The following CDK2AP1 variants were observed in gnomAD, a reference collection of about 807,000 sequenced individuals.
CDK2AP1 encodes the protein cyclin-dependent kinase 2-associated protein 1.
Under a neutral mutation model 14.1 loss-of-function variants are expected in CDK2AP1, and 10 were observed. The ratio of observed to expected loss-of-function variants is 0.71; its 90% confidence interval spans 0.44 to 1.20. The LOEUF (loss-of-function observed/expected upper bound fraction) is 1.20. CDK2AP1 is among the 50% of genes most tolerant of loss of function. The pLI, the probability that CDK2AP1 is intolerant of heterozygous loss-of-function variation, is 0.00. For synonymous variants in CDK2AP1, 59 were observed against 59.8 expected (o/e 0.99, Z 0.06); for missense variants, 102 against 149.9 (o/e 0.68, Z 1.67).
At position 123,261,671 on chromosome 12, in the gene CDK2AP1, G is replaced by T; in HGVS notation, c.*65C>A. ...TGAAAACAAGGGTTTCATCTGAACAGGGGAGATGAACTGTAACTTCTCATC... is the reference window on the plus strand; with the variant it reads ...TGAAAACAAGGGTTTCATCTGAACATGGGAGATGAACTGTAACTTCTCATC... On this transcript the variant is annotated 3_prime_UTR_variant, in exon 4 of 4. Transcript: ENST00000261692. 1 of 1,316,516 alleles carries T rather than the reference G, an allele frequency of 7.6e-7. No individual in the cohort carries two copies. The highest frequency in any genetic ancestry group is 1.1e-6 in the Non-Finnish European group (1 of 908,490). 81.6% of individuals were successfully genotyped at this position (1,316,516 alleles called of 1,614,324 possible). A position where few individuals can be genotyped will look rare whatever the true frequency, so the allele number is the denominator to read the frequency against.
At chr12:123,268,198 C>G in intron 1 of CDK2AP1, 1 of 985,642 alleles carries the variant, frequency 1.0e-6, no homozygotes, top group Non-Finnish European at 1.2e-6. Flanking sequence ...GCCCGCCTGC[C>G]GCCCCCAGAG....
At chr12:123,268,662 C>A (rs1398790118) in intron 1 of CDK2AP1, among the ~76,000 whole-genome samples, 2 of 152,238 alleles carry the variant, frequency 1.3e-5, no homozygotes, top group Non-Finnish European at 2.9e-5. Flanking sequence ...GCCTCAGTTT[C>A]CACGCCTCCC....
intron 1 of CDK2AP1, 45 bp from the exon 2 acceptor site, chr12:123,267,327 G>A (rs1332163731): frequency 1.6e-6 from 2 of 1,246,186 alleles, no homozygotes; most frequent in African/African-American, 1.5e-5. Flanking sequence ...TCAGCCAGTT[G>A]TACCAAGGCA....
intron 1 of CDK2AP1, chr12:123,270,222 G>A (rs1026971608): frequency 5.1e-6 from 5 of 983,796 alleles, no homozygotes; most frequent in Non-Finnish European, 6.0e-6. Flanking sequence ...CCCCAGAGGA[G>A]GTGAGAATGT....
At chr12:123,271,149 G>C (rs1377527577) in intron 1 of CDK2AP1, 1 of 430,700 alleles carries the variant, frequency 2.3e-6, no homozygotes, top group Non-Finnish European at 3.1e-6. Flanking sequence ...CCGCTCCCCA[G>C]GGCGGCGGGG....
intron 1 of CDK2AP1, chr12:123,269,382 G>A (rs1398720904): frequency 1.3e-5 from 2 of 153,076 alleles, no homozygotes; most frequent in African/African-American, 4.8e-5. Context: ...GCTCTGTCCA[G>A]GCCACTCCCT....
chr12:123,270,232 T>C (rs1290902705), intron 1 of CDK2AP1: 1 of 982,876 alleles, frequency 1.0e-6, no homozygotes, highest in Admixed American at 6.2e-5. Flanking sequence ...GGTGAGAATG[T>C]TTGAGAAAAA....
Position 123,263,874 on chromosome 12 carries a change from G to A in CDK2AP1, c.280+1322C>T, listed in dbSNP as rs1207624973. On this transcript the variant is annotated intron_variant, in intron 3 of 3. Coordinates refer to ENST00000261692, the MANE Select transcript of CDK2AP1 (RefSeq NM_004642.4). ...TAATCCCAGCACTTTGGGAGGCCAA[G>A]GCGGGAGGATCACAAGGTCAAGAAA... Among the ~76,000 whole-genome samples, 5 of 152,232 alleles carry A rather than the reference G, an allele frequency of 3.3e-5. No homozygotes were observed. The East Asian group carries it at 7.7e-4, about 24-fold the overall frequency.
At chr12:123,266,922 T>C (rs894618411) in intron 2 of CDK2AP1, among the ~76,000 whole-genome samples, 3 of 152,190 alleles carry the variant, frequency 2.0e-5, no homozygotes, top group African/African-American at 7.2e-5. Flanking sequence ...ACGCGTGGGG[T>C]GGGAGCCTCA....
In CDK2AP1 at chr12:123,271,553, G is replaced by T; in HGVS notation, c.55+11C>A. 1 of 1,002,594 alleles carries T rather than the reference G, an allele frequency of 1.0e-6. No homozygotes were observed. The highest frequency in any genetic ancestry group is 4.4e-5 in the South Asian group (1 of 22,776). 62.1% of individuals were successfully genotyped at this position (1,002,594 alleles called of 1,614,324 possible). On this transcript the variant is annotated intron_variant, in intron 1 of 3. Transcript: ENST00000261692. ...GCGGCGCTTGGGGCGCGTCGCACGC[G>T]GCTCACTCACCGGCGTTGAGGGCGG...
At chr12:123,261,870 A>G in intron 3 of CDK2AP1, 67 bp from the exon 4 acceptor site, 6 of 1,068,944 alleles carry the variant, frequency 5.6e-6, no homozygotes, top group Non-Finnish European at 8.8e-6. Context: ...CCATTCTGAA[A>G]CAGCAAGAGG....
At position 123,267,627 on chromosome 12, in the gene CDK2AP1, A is replaced by C. The variant is rs571752860; in HGVS notation, c.56-345T>G. ...CCTCTCCCTGTGTCCTGGTCCCCAG[A>C]GGCTGAGAACCTAGAGGCCACATCA... On this transcript the variant is annotated intron_variant, in intron 1 of 3. Transcript: ENST00000261692. 1.7e-4 allele frequency: 49 copies of C among 280,704 alleles called. 1 individual carries two copies. Among genetic ancestry groups the C allele is most frequent in the South Asian group, 1.3e-3 (34 of 26,944 alleles). 17.4% of individuals were successfully genotyped at this position (280,704 alleles called of 1,614,324 possible). A position where few individuals can be genotyped will look rare whatever the true frequency, so the allele number is the denominator to read the frequency against.
rs779651168 is a variant in CDK2AP1, at chr12:123,261,145, T to C, written c.*591A>G. The C allele has an allele frequency of 2.0e-5, 3 of 152,592 alleles. No individual in the cohort carries two copies. The highest frequency in any genetic ancestry group is 4.4e-5 in the Non-Finnish European group (3 of 68,134). 9.5% of individuals were successfully genotyped at this position (152,592 alleles called of 1,614,324 possible). Reference sequence around the variant, plus strand: ...TCTACTTACAGTCTTAGTATGAAAGTGTTCGGGGGTCCTTGTTAGGTTTGG... The same window carrying C: ...TCTACTTACAGTCTTAGTATGAAAGCGTTCGGGGGTCCTTGTTAGGTTTGG... On this transcript the variant is annotated 3_prime_UTR_variant, in exon 4 of 4. Transcript: ENST00000261692.
intron 1 of CDK2AP1, chr12:123,271,150 G>A (rs1165806763): frequency 2.3e-6 from 1 of 434,878 alleles, no homozygotes; most frequent in African/African-American, 2.2e-5. Flanking sequence ...CGCTCCCCAG[G>A]GCGGCGGGGC....
intron 1 of CDK2AP1, among the ~76,000 whole-genome samples, chr12:123,268,945 C>T (rs10846491): frequency 6.6e-6 from 1 of 152,006 alleles, no homozygotes; most frequent in Non-Finnish European, 1.5e-5. Flanking sequence ...TCTCTGGCTC[C>T]AGGGCCAGTC....
Position 123,261,467 on chromosome 12 carries a change from T to G in CDK2AP1, c.*269A>C. 2.5e-6 allele frequency: 1 copy of G among 402,856 alleles called. No homozygotes were observed. Among genetic ancestry groups the G allele is most frequent in the East Asian group, 5.0e-5 (1 of 19,860 alleles). The allele number at this position is 402,856 out of a possible 1,614,324, so 25.0% of individuals were successfully genotyped here. On this transcript the variant is annotated 3_prime_UTR_variant, in exon 4 of 4. Coordinates refer to ENST00000261692, the MANE Select transcript of CDK2AP1 (RefSeq NM_004642.4). ...GTCTTGGAGGCAAACTACAGTTTGC[T>G]GTAAGATAACTTTCCGTGCATCTTT...
intron 1 of CDK2AP1, chr12:123,271,194 T>G: frequency 5.7e-6 from 1 of 176,186 alleles, no homozygotes; most frequent in Non-Finnish European, 1.1e-5. Context: ...CCCGGGCCGC[T>G]CCCGACTCCC....
At chr12:123,270,891 C>CG (rs1333461841) in intron 1 of CDK2AP1, 1 of 985,168 alleles carries the variant, frequency 1.0e-6, no homozygotes, top group East Asian at 1.1e-4. Context: ...GCTCACCTTA[C>CG]GGGGGTCCCC....
chr12:123,266,851 C>A (rs900730026), intron 2 of CDK2AP1, among the ~76,000 whole-genome samples: 1 of 152,270 alleles, frequency 6.6e-6, no homozygotes, highest in Admixed American at 6.5e-5. Context: ...GCTTGGAGAG[C>A]CAGCATCAAG....
Sources: allele counts gnomAD v4.1 joint callset (sites outside exome capture counted in the v4.1 genomes callset), GRCh38; gene constraint gnomAD v4.1.1; transcripts MANE v1.5; gene names NCBI Gene and HGNC (gene_info 2026-07-23, HGNC 2026-07-21).